The following UBE4B variants were observed in gnomAD, a reference collection of about 807,000 sequenced individuals.
UBE4B encodes ubiquitin conjugation factor E4 B.
Under a neutral mutation model 148.1 loss-of-function variants are expected in UBE4B, and 27 were observed. That is an observed-to-expected ratio of 0.18 (90% CI 0.13 to 0.25). The LOEUF (loss-of-function observed/expected upper bound fraction) is 0.25, where lower values mean the gene tolerates loss of function less well. UBE4B is among the 10% of genes least tolerant of loss of function. The pLI, the probability that UBE4B is intolerant of heterozygous loss-of-function variation, is 1.00. For synonymous variants in UBE4B, 596 were observed against 619.3 expected (o/e 0.96, Z 0.56); for missense variants, 1,170 against 1,662.4 (o/e 0.70, Z 5.15).
At chr1:10,046,631 C>G (rs1643917098) in intron 1 of UBE4B, among the ~76,000 whole-genome samples, 2 of 152,140 alleles carry the variant, frequency 1.3e-5, no homozygotes. Flanking sequence ...TGAAGGAGCT[C>G]CCTTGTGCCT....
At chr1:10,160,362 G>T (rs1646141448) in intron 22 of UBE4B, among the ~76,000 whole-genome samples, 5 of 152,094 alleles carry the variant, frequency 3.3e-5, no homozygotes, top group Admixed American at 3.3e-4. Context: ...TTGGTATATT[G>T]GTGAGTATAT....
chr1:10,055,121 G>C (rs1644138123), intron 1 of UBE4B, among the ~76,000 whole-genome samples: 1 of 152,014 alleles, frequency 6.6e-6, no homozygotes, highest in Non-Finnish European at 1.5e-5. Context: ...TGTGCCAAAA[G>C]GTTTGGTGAT....
At chr1:10,136,482 T>TA (rs35569014) in intron 16 of UBE4B, among the ~76,000 whole-genome samples, 4,119 of 123,832 alleles carry the variant, frequency 0.033, 88 homozygotes, top group South Asian at 0.081. Flanking sequence ...AAGACCCTCT[T>TA]AAAAAAAAAA....
intron 25 of UBE4B, among the ~76,000 whole-genome samples, chr1:10,174,910 G>A (rs1348877100): frequency 1.3e-5 from 2 of 152,170 alleles, no homozygotes; most frequent in South Asian, 4.2e-4. Context: ...TTGTAAAATT[G>A]CATTTTCTTC....
At position 10,180,054 on chromosome 1, in the gene UBE4B, CA is replaced by C; in HGVS notation, c.*101del. On this transcript the variant is annotated 3_prime_UTR_variant, in exon 28 of 28. Coordinates refer to ENST00000343090, the MANE Select transcript of UBE4B (RefSeq NM_001105562.3). ...AAGCTGCCGTTCATGTGTTGGAGGCCAAATGTGGCAAACCAACCCCAGGCCC... is the reference window on the plus strand; with the variant it reads ...AAGCTGCCGTTCATGTGTTGGAGGCCAATGTGGCAAACCAACCCCAGGCCC... 2.6e-6 allele frequency: 4 copies of C among 1,526,860 alleles called. No homozygotes were observed. The highest frequency in any genetic ancestry group is 3.6e-6 in the Non-Finnish European group (4 of 1,113,866). The allele number at this position is 1,526,860 out of a possible 1,614,324, so 94.6% of individuals were successfully genotyped here. A position where few individuals can be genotyped will look rare whatever the true frequency, so the allele number is the denominator to read the frequency against.
At chr1:10,175,576 G>A (rs1278984950) in intron 25 of UBE4B, among the ~76,000 whole-genome samples, 2 of 152,166 alleles carry the variant, frequency 1.3e-5, no homozygotes, top group Admixed American at 6.5e-5. Flanking sequence ...GCGTGAACCT[G>A]GGAGGTGGAG....
At chr1:10,057,420 C>CTTTTTTT (rs1359827824) in intron 1 of UBE4B, among the ~76,000 whole-genome samples, 2 of 132,920 alleles carry the variant, frequency 1.5e-5, no homozygotes, top group African/African-American at 2.8e-5. Flanking sequence ...AGTCTTTTCT[C>CTTTTTTT]TTTTTTTTTT....
intron 2 of UBE4B, among the ~76,000 whole-genome samples, chr1:10,079,304 A>G (rs1338846094): frequency 1.3e-5 from 2 of 151,802 alleles, no homozygotes; most frequent in East Asian, 3.9e-4. Context: ...GATTACAGGC[A>G]TGCGCCACCA....
chr1:10,147,233 G>C lies in UBE4B; in HGVS notation c.2591+143G>C, dbSNP rs992135987. On this transcript the variant is annotated intron_variant, in intron 19 of 27. Transcript: ENST00000343090. ...CTGCAAGGCGCAGTGGTTCACGCCT[G>C]TAATCCCAGCACTTTGGGGGAGGCT... The C allele has an allele frequency of 8.2e-6, 11 of 1,337,636 alleles. No individual in the cohort carries two copies. In the African/African-American group the frequency reaches 1.6e-4, roughly 20 times the overall value. 82.9% of individuals were successfully genotyped at this position (1,337,636 alleles called of 1,614,324 possible).
At chr1:10,097,854 T>C (rs936386201) in intron 3 of UBE4B, among the ~76,000 whole-genome samples, 1 of 151,956 alleles carries the variant, frequency 6.6e-6, no homozygotes, top group Non-Finnish European at 1.5e-5. Context: ...AAATTGGGTG[T>C]CCATTTCCTC....
intron 1 of UBE4B, among the ~76,000 whole-genome samples, chr1:10,054,072 T>A (rs4443893): frequency 0.1 from 15,377 of 151,292 alleles, 1,222 homozygotes; most frequent in African/African-American, 0.22. Flanking sequence ...AGATTTTTTT[T>A]AAAAAAAAAG....
chr1:10,134,217 A>C (rs796807952), intron 15 of UBE4B, among the ~76,000 whole-genome samples: 26 of 152,254 alleles, frequency 1.7e-4, no homozygotes, highest in African/African-American at 6.3e-4. Flanking sequence ...TCAGTAAAAG[A>C]ATGTATAAAA....
chr1:10,150,862 G>GAA (rs751799095), intron 20 of UBE4B, among the ~76,000 whole-genome samples: 11 of 107,574 alleles, frequency 1.0e-4, no homozygotes, highest in Admixed American at 2.0e-4. Context: ...TCCATCTCAA[G>GAA]AAAAAAAAAA....
At chr1:10,043,553 A>G (rs1393956319) in intron 1 of UBE4B, among the ~76,000 whole-genome samples, 3 of 151,080 alleles carry the variant, frequency 2.0e-5, no homozygotes, top group African/African-American at 7.3e-5. Context: ...CAGCCTCCCA[A>G]GTAGCTGGGA....
At chr1:10,164,087 T>C (rs1374842497) in intron 23 of UBE4B, among the ~76,000 whole-genome samples, 1 of 151,876 alleles carries the variant, frequency 6.6e-6, no homozygotes, top group Non-Finnish European at 1.5e-5. Context: ...ATGCCTGTAA[T>C]ATCAGCACTT....
At position 10,154,642 on chromosome 1, in the gene UBE4B, T is replaced by C. The variant is rs577850454; in HGVS notation, c.2926+3081T>C. ...CACCTGAGGTCAGGAGTTGGAGGCT[T>C]AGTCTGGCCAAAATGGTGAAACCCC... On this transcript the variant is annotated intron_variant, in intron 21 of 27. Coordinates refer to ENST00000343090, the MANE Select transcript of UBE4B (RefSeq NM_001105562.3). Among the ~76,000 whole-genome samples the C allele has an allele frequency of 3.9e-5, 6 of 152,148 alleles. No homozygotes were observed. The South Asian group carries it at 1.0e-3, about 26-fold the overall frequency.
intron 21 of UBE4B, among the ~76,000 whole-genome samples, chr1:10,152,035 G>T (rs1450529590): frequency 1.3e-5 from 2 of 151,790 alleles, no homozygotes; most frequent in Non-Finnish European, 2.9e-5. Flanking sequence ...GAGGCGGGCG[G>T]ATCACAAGGT....
intron 1 of UBE4B, among the ~76,000 whole-genome samples, chr1:10,062,602 G>A (rs1644306798): frequency 6.6e-6 from 1 of 152,228 alleles, no homozygotes; most frequent in Non-Finnish European, 1.5e-5. Flanking sequence ...GTAAGCCGCT[G>A]TACCGGCCGC....
At chr1:10,083,965 A>C (rs1033635249) in intron 2 of UBE4B, among the ~76,000 whole-genome samples, 2 of 152,098 alleles carry the variant, frequency 1.3e-5, no homozygotes, top group African/African-American at 4.8e-5. Flanking sequence ...CTGGGAATCA[A>C]TACACTTCCT....
Sources: gnomAD v4.1 joint callset for allele counts (sites outside exome capture counted in the v4.1 genomes callset) on GRCh38, gnomAD v4.1.1 for gene constraint, MANE v1.5 for transcripts, NCBI Gene and HGNC (gene_info 2026-07-23, HGNC 2026-07-21) for gene names.